The following SPIRE2 variants were observed in gnomAD, a reference collection of about 807,000 sequenced individuals.
SPIRE2 encodes protein spire homolog 2.
A neutral mutation model predicts 80.7 loss-of-function variants in SPIRE2; 76 were observed. The ratio of observed to expected loss-of-function variants is 0.94; its 90% CI spans 0.78 to 1.14. SPIRE2 has a LOEUF of 1.14. SPIRE2 is among the 50% of genes most tolerant of loss of function. The pLI is 0.00. For synonymous variants in SPIRE2, 535 were observed against 432.6 expected (o/e 1.24, Z -2.94); for missense variants, 1,196 against 1,015.3 (o/e 1.18, Z -2.42).
intron 2 of SPIRE2, chr16:89,849,960 C>T: frequency 2.5e-6 from 1 of 393,450 alleles, no homozygotes; most frequent in South Asian, 2.1e-5. Flanking sequence ...GCCTCAGCCT[C>T]CCAAGTAAAT....
At chr16:89,853,380 G>T (rs1366427650) in intron 3 of SPIRE2, among the ~76,000 whole-genome samples, 1 of 152,206 alleles carries the variant, frequency 6.6e-6, no homozygotes, top group African/African-American at 2.4e-5. Flanking sequence ...ATTGGTAGTA[G>T]GACCAAGTGA....
chr16:89,855,537 C>T lies in SPIRE2; in HGVS notation c.892-63C>T, dbSNP rs2041682013. 5 of 1,463,578 alleles carry T rather than the reference C, an allele frequency of 3.4e-6. No homozygotes were observed. In the East Asian group the frequency reaches 6.9e-5, roughly 20 times the overall value. 90.7% of individuals were successfully genotyped at this position (1,463,578 alleles called of 1,614,324 possible). On this transcript the variant is annotated intron_variant, in intron 5 of 14. Coordinates refer to ENST00000378247, the MANE Select transcript of SPIRE2 (RefSeq NM_032451.2). ...CTGTCCTTGGGCTGAGCAGGCCTCT[C>T]CCAGTCGCCCTGCACTAGTGGATGG...
intron 1 of SPIRE2, among the ~76,000 whole-genome samples, chr16:89,837,858 G>C (rs2041465402): frequency 6.6e-6 from 1 of 152,222 alleles, no homozygotes; most frequent in South Asian, 2.1e-4. Flanking sequence ...ACTGGCGGAA[G>C]TGAGATGCAA....
At position 89,863,046 on chromosome 16, in the gene SPIRE2, G is replaced by A. The variant is rs189168750; in HGVS notation, c.1576-430G>A. On this transcript the variant is annotated intron_variant, in intron 10 of 14. Transcript: ENST00000378247. The surrounding 1 kb of genome is among the most constrained non-coding windows in gnomAD (Gnocchi z 4.3). The stretch of plus-strand genomic sequence containing the variant: ...CCAGGACACGGGAGGTGTGCTGAGC[G>A]CAGATGGGCAGATGCAAGCTGAGGT... The A allele has an allele frequency of 7.3e-5, 14 of 192,212 alleles. No individual in the cohort carries two copies. The highest frequency in any genetic ancestry group is 1.3e-4 in the Non-Finnish European group (12 of 91,060). The allele number at this position is 192,212 out of a possible 1,614,324, so 11.9% of individuals were successfully genotyped here.
At chr16:89,859,459 C>T (rs1368792296) in intron 9 of SPIRE2, 105 bp downstream of exon 9, 2 of 587,168 alleles carry the variant, frequency 3.4e-6, no homozygotes, top group Admixed American at 8.6e-5. Flanking sequence ...GCAGGCAGCT[C>T]CCAGGGACCC....
intron 12 of SPIRE2, among the ~76,000 whole-genome samples, chr16:89,866,146 T>C (rs1378765395): frequency 1.3e-5 from 2 of 150,926 alleles, no homozygotes; most frequent in African/African-American, 4.9e-5. Context: ...AAGACCTGTC[T>C]GGGAAAAAAA....
In SPIRE2 at chr16:89,850,624, G is replaced by C. The variant is rs2041616188; in HGVS notation, c.609G>C (p.Leu203=). The C allele has an allele frequency of 6.6e-7, 1 of 1,514,600 alleles. No individual in the cohort carries two copies. Among genetic ancestry groups the C allele is most frequent in the Non-Finnish European group, 8.8e-7 (1 of 1,137,506 alleles). 93.8% of individuals were successfully genotyped at this position (1,514,600 alleles called of 1,614,324 possible). ...CGCTCTTCGTGGAGACGCTGGAGCT[G>C]CGGGCCTTCCTGGCCAGGGTCCGGG... is the stretch of plus-strand genomic sequence containing the variant. ...CRALFVETLE[L]RAFLARVREA... The change falls in exon 3 of 15, where the codon CTG becomes CTC. Residue 203 remains leucine (L), a synonymous_variant. Coordinates refer to ENST00000378247, the MANE Select transcript of SPIRE2 (RefSeq NM_032451.2).
chr16:89,830,961 G>A (rs1025350131), intron 1 of SPIRE2, among the ~76,000 whole-genome samples: 2 of 147,236 alleles, frequency 1.4e-5, no homozygotes, highest in East Asian at 3.9e-4. Flanking sequence ...CCAGGCTGGA[G>A]TGCAGCGGCA....
intron 1 of SPIRE2, among the ~76,000 whole-genome samples, chr16:89,840,091 C>T (rs1598219273): frequency 1.3e-5 from 2 of 152,094 alleles, no homozygotes; most frequent in South Asian, 2.1e-4. Flanking sequence ...GCTAGGCTGA[C>T]GCTCCCAAGC....
At chr16:89,842,512 C>T (rs1238099342) in intron 1 of SPIRE2, among the ~76,000 whole-genome samples, 8 of 152,206 alleles carry the variant, frequency 5.3e-5, no homozygotes, top group Non-Finnish European at 1.0e-4. Context: ...CGTGCCCGGC[C>T]GTGAACATTT....
intron 10 of SPIRE2, 26 bp downstream of exon 10, chr16:89,860,821 AG>A: frequency 7.1e-7 from 1 of 1,398,798 alleles, no homozygotes; most frequent in Non-Finnish European, 9.5e-7. Flanking sequence ...ATTGTCGTCC[AG>A]GGCGGCCCAG....
chr16:89,856,104 C>T lies in SPIRE2; in HGVS notation c.979-9C>T. Reference sequence around the variant, plus strand: ...CTTCCCCACCGCAGGTCTCGCTTCCCCACCGCAGGTCTCTGAGAGGCGGCT... The same window carrying T: ...CTTCCCCACCGCAGGTCTCGCTTCCTCACCGCAGGTCTCTGAGAGGCGGCT... On this transcript the variant is annotated splice_polypyrimidine_tract_variant and intron_variant, in intron 6 of 14. Coordinates refer to ENST00000378247, the MANE Select transcript of SPIRE2 (RefSeq NM_032451.2). The T allele has an allele frequency of 6.2e-7, 1 of 1,611,118 alleles. No individual in the cohort carries two copies. The highest frequency in any genetic ancestry group is 8.5e-7 in the Non-Finnish European group (1 of 1,179,428).
intron 7 of SPIRE2, among the ~76,000 whole-genome samples, chr16:89,856,709 C>T (rs1393320011): frequency 3.3e-5 from 5 of 150,660 alleles, no homozygotes; most frequent in Non-Finnish European, 7.4e-5. Context: ...ATCTGCCTGC[C>T]TTGGCCTCCC....
chr16:89,859,878 C>A (rs1233284170), intron 9 of SPIRE2, among the ~76,000 whole-genome samples: 1 of 152,210 alleles, frequency 6.6e-6, no homozygotes, highest in Non-Finnish European at 1.5e-5. Flanking sequence ...CTCCCCACCA[C>A]CACATCCCAG....
In SPIRE2 at chr16:89,850,634, C is replaced by T; in HGVS notation, c.619C>T (p.Leu207=). ...FVETLELRAF[L]ARVREAKEML... is the part of the protein sequence containing the mutation. ...GGAGACGCTGGAGCTGCGGGCCTTC[C>T]TGGCCAGGGTCCGGGAGGCCAAGGA... The change falls in exon 3 of 15, where the codon CTG becomes TTG. Residue 207 remains leucine, a synonymous_variant. Coordinates refer to ENST00000378247, the MANE Select transcript of SPIRE2 (RefSeq NM_032451.2). 6.9e-7 allele frequency: 1 copy of T among 1,440,688 alleles called. No homozygotes were observed. Among genetic ancestry groups the T allele is most frequent in the Non-Finnish European group, 9.1e-7 (1 of 1,093,636 alleles). 89.2% of individuals were successfully genotyped at this position (1,440,688 alleles called of 1,614,324 possible).
At chr16:89,867,774 G>A (rs549311919) in intron 12 of SPIRE2, among the ~76,000 whole-genome samples, 2 of 151,934 alleles carry the variant, frequency 1.3e-5, no homozygotes, top group Non-Finnish European at 2.9e-5. Context: ...TAGTAGAAAC[G>A]AGGTTTCACC....
intron 1 of SPIRE2, among the ~76,000 whole-genome samples, chr16:89,830,416 C>G (rs562922694): frequency 1.3e-5 from 2 of 151,248 alleles, no homozygotes; most frequent in African/African-American, 2.4e-5. Flanking sequence ...ATGACTTGCT[C>G]TCTCTTGAAG....
chr16:89,851,189 T>C (rs1459506066), intron 3 of SPIRE2, among the ~76,000 whole-genome samples: 1 of 152,200 alleles, frequency 6.6e-6, no homozygotes, highest in Non-Finnish European at 1.5e-5. Flanking sequence ...TCTCTCCCGT[T>C]GCCTGAGTTG....
In SPIRE2 at chr16:89,842,229, T is replaced by TTTTTTTTTTTTTTTTTTTC. The variant is rs1299656862; in HGVS notation, c.245-3092_245-3091insTTTTTTTTTTTTTTTTTCT. On this transcript the variant is annotated intron_variant, in intron 1 of 14. Coordinates refer to ENST00000378247, the MANE Select transcript of SPIRE2 (RefSeq NM_032451.2). Reference sequence around the variant, plus strand: ...CGTAATTTTTTTTTTTTTTTTTTTTTTGTGACGGAGTCTCACTCTGTTGCC... The same window carrying TTTTTTTTTTTTTTTTTTTC: ...CGTAATTTTTTTTTTTTTTTTTTTTTTTTTTTTTTTTTTTTTTTCTGTGACGGAGTCTCACTCTGTTGCC... Among the ~76,000 whole-genome samples the TTTTTTTTTTTTTTTTTTTC allele has an allele frequency of 2.9e-5, 4 of 137,372 alleles. 1 individual carries two copies. The highest frequency in any genetic ancestry group is 1.2e-4 in the African/African-American group (4 of 32,940). 90.1% of individuals were successfully genotyped at this position (137,372 alleles called of 152,430 possible).
Sources: gnomAD v4.1 joint callset for allele counts (sites outside exome capture counted in the v4.1 genomes callset) on GRCh38, gnomAD v4.1.1 for gene constraint, Gnocchi (gnomAD v3.1) non-coding constraint, MANE v1.5 for transcripts, NCBI Gene and HGNC (gene_info 2026-07-23, HGNC 2026-07-21) for gene names.